The following USH1C variants were observed in gnomAD, a reference collection of about 807,000 sequenced individuals.
The protein encoded by USH1C is USH1 protein network component harmonin, also known as harmonin.
A neutral mutation model predicts 119.3 loss-of-function variants in USH1C; 90 were observed. The observed-to-expected ratio is 0.75, with a 90% CI of 0.64 to 0.90. USH1C has a LOEUF of 0.90. Ranked by LOEUF, USH1C falls within the 40% of genes least tolerant of loss-of-function variation. The probability of loss-of-function intolerance (pLI) is 0.00; values close to 1 mark genes in which losing one functional copy is unlikely to be tolerated. For synonymous variants in USH1C, 465 were observed against 443.3 expected (o/e 1.05, Z -0.62); for missense variants, 1,165 against 1,167.7 (o/e 1.00, Z 0.03).
chr11:17,505,027 TAG>T (rs1849595876), intron 19 of USH1C, among the ~76,000 whole-genome samples: 1 of 152,234 alleles, frequency 6.6e-6, no homozygotes, highest in Non-Finnish European at 1.5e-5. Flanking sequence ...GACATTTGGA[TAG>T]AGTTTCCTTG....
At chr11:17,498,121 G>T in intron 24 of USH1C, 41 bp downstream of exon 24, 1 of 1,581,284 alleles carries the variant, frequency 6.3e-7, no homozygotes, top group Non-Finnish European at 8.7e-7. Flanking sequence ...GTTTGAGGCA[G>T]GCAGGTGAGG....
intron 26 of USH1C, chr11:17,495,192 C>T (rs1372110593): frequency 6.3e-6 from 2 of 316,318 alleles, no homozygotes; most frequent in Non-Finnish European, 1.2e-5. Context: ...AGCCAGGCTT[C>T]CTGTGGGCTC....
At chr11:17,542,545 C>A (rs1273645001) in intron 1 of USH1C, among the ~76,000 whole-genome samples, 7 of 152,302 alleles carry the variant, frequency 4.6e-5, no homozygotes, top group Non-Finnish European at 1.0e-4. Flanking sequence ...AGGTCTGAGG[C>A]CCTTTGGAGC....
intron 1 of USH1C, among the ~76,000 whole-genome samples, chr11:17,538,380 C>T (rs1312295713): frequency 1.3e-5 from 2 of 152,158 alleles, no homozygotes; most frequent in Non-Finnish European, 2.9e-5. Flanking sequence ...CAGTCTCATC[C>T]CTCTGTATTC....
At position 17,524,635 on chromosome 11, in the gene USH1C, G is replaced by GCCTA. The variant is rs1003103201; in HGVS notation, c.675-104_675-101dup. ...AGCTGAGGACTGAAGGCCCTTGACT[G>GCCTA]CCTACCTCTTCAGCCTCTGTGTCCC... On this transcript the variant is annotated intron_variant, in intron 8 of 26. Coordinates refer to ENST00000005226, the MANE Select transcript of USH1C (RefSeq NM_153676.4). 6.1e-6 allele frequency: 8 copies of GCCTA among 1,303,362 alleles called. No homozygotes were observed. The African/African-American group carries it at 1.2e-4, about 19-fold the overall frequency. The allele number at this position is 1,303,362 out of a possible 1,614,324, so 80.7% of individuals were successfully genotyped here. A position where few individuals can be genotyped will look rare whatever the true frequency, so the allele number is the denominator to read the frequency against.
At chr11:17,500,857 T>C (rs1849408575) in intron 23 of USH1C, among the ~76,000 whole-genome samples, 194 bp downstream of exon 23, 1 of 152,178 alleles carries the variant, frequency 6.6e-6, no homozygotes, top group Non-Finnish European at 1.5e-5. Flanking sequence ...CTGGCTTGGC[T>C]GTGTACTCAC....
chr11:17,494,174 G>C lies in USH1C; in HGVS notation c.*158C>G, dbSNP rs748615881. On this transcript the variant is annotated 3_prime_UTR_variant, in exon 27 of 27. Transcript: ENST00000005226. ...GGCCTTCAGAAGAGTGGCCCGAGCT[G>C]TTCCTTATCTGGCCCTGGTTCAGGG... 2.2e-6 allele frequency: 2 copies of C among 918,190 alleles called. No homozygotes were observed. Among genetic ancestry groups the C allele is most frequent in the Non-Finnish European group, 3.5e-6 (2 of 577,204 alleles). 56.9% of individuals were successfully genotyped at this position (918,190 alleles called of 1,614,324 possible). A position where few individuals can be genotyped will look rare whatever the true frequency, so the allele number is the denominator to read the frequency against.
intron 25 of USH1C, 113 bp downstream of exon 25, chr11:17,496,645 T>A: frequency 3.8e-6 from 5 of 1,319,124 alleles, no homozygotes; most frequent in Non-Finnish European, 4.3e-6. Context: ...AGAAGCTGCG[T>A]GCTTGGGCCA....
chr11:17,529,242 C>G (rs1460238982), intron 4 of USH1C, among the ~76,000 whole-genome samples: 1 of 152,206 alleles, frequency 6.6e-6, no homozygotes, highest in East Asian at 1.9e-4. Flanking sequence ...AGTTGTATGT[C>G]ACAGGCTGCC....
chr11:17,527,313 G>A lies in USH1C; in HGVS notation c.406C>T (p.Arg136Trp), dbSNP rs368903400. ...VGLQVGDEIV[R>W]INGYSISSCT... ...GAGGAGATGGAATATCCATTGATCC[G>A]GACGATCTCGTCCCCTACCTTGACC... The change falls in exon 5 of 27, where the codon CGG becomes TGG. Residue 136 changes from arginine (R) to tryptophan (W), a missense_variant. Coordinates refer to ENST00000005226, the MANE Select transcript of USH1C (RefSeq NM_153676.4). 62 of 1,612,414 alleles carry A rather than the reference G, an allele frequency of 3.8e-5. 1 individual carries two copies. In the Middle Eastern group the frequency reaches 5.0e-4, roughly 13 times the overall value.
In USH1C at chr11:17,530,455, C is replaced by G. The variant is rs187059467; in HGVS notation, c.387+699G>C. ...GCCTCTATTAATTCTGTAAAATGGG[C>G]ACGATCCGTTCAATGCATATAGCAA... On this transcript the variant is annotated intron_variant, in intron 4 of 26. Transcript: ENST00000005226. 2.8e-3 allele frequency among the ~76,000 whole-genome samples: 429 copies of G among 152,346 alleles called. 3 individuals are homozygous for G. The highest frequency in any genetic ancestry group is 9.2e-3 in the African/African-American group (382 of 41,584).
At chr11:17,508,954 T>G (rs1465416382) in intron 18 of USH1C, among the ~76,000 whole-genome samples, 1 of 152,212 alleles carries the variant, frequency 6.6e-6, no homozygotes, top group African/African-American at 2.4e-5. Flanking sequence ...CAGGAGCCAT[T>G]TCCCATATTC....
chr11:17,494,246 A>G lies in USH1C; in HGVS notation c.*86T>C. On this transcript the variant is annotated 3_prime_UTR_variant, in exon 27 of 27. Coordinates refer to ENST00000005226, the MANE Select transcript of USH1C (RefSeq NM_153676.4). ...TGGGTGATAGATTCAGGTCCCAAGG[A>G]TGCCATCTGGTGTGTGTAGTGTGGC... is the stretch of plus-strand genomic sequence containing the variant. The G allele has an allele frequency of 6.8e-7, 1 of 1,476,166 alleles. No individual in the cohort carries two copies. The highest frequency in any genetic ancestry group is 1.2e-5 in the South Asian group (1 of 82,952). The allele number at this position is 1,476,166 out of a possible 1,614,324, so 91.4% of individuals were successfully genotyped here. A position where few individuals can be genotyped will look rare whatever the true frequency, so the allele number is the denominator to read the frequency against.
chr11:17,516,440 T>A, intron 14 of USH1C, 150 bp from the exon 15 acceptor site: 1 of 793,912 alleles, frequency 1.3e-6, no homozygotes, highest in Non-Finnish European at 2.1e-6. Flanking sequence ...GCACCCTCTG[T>A]CCAACTCGGC....
chr11:17,535,266 A>G (rs1323889684), intron 1 of USH1C, among the ~76,000 whole-genome samples: 1 of 152,100 alleles, frequency 6.6e-6, no homozygotes, highest in Non-Finnish European at 1.5e-5. Context: ...CCTGGCTACA[A>G]AGTCCTCCTT....
intron 20 of USH1C, 73 bp from the exon 21 acceptor site, chr11:17,502,053 T>G: frequency 1.3e-6 from 2 of 1,509,218 alleles, no homozygotes; most frequent in Non-Finnish European, 9.1e-7. Flanking sequence ...AGTAGGGGGA[T>G]GAATGGTCGG....
intron 8 of USH1C, among the ~76,000 whole-genome samples, chr11:17,525,328 G>T (rs1850619805): frequency 6.6e-6 from 1 of 152,194 alleles, no homozygotes; most frequent in Admixed American, 6.5e-5. Context: ...TTAGGCTGTT[G>T]TCTCCCAGAA....
intron 14 of USH1C, among the ~76,000 whole-genome samples, chr11:17,519,920 C>T (rs2133864001): frequency 6.6e-6 from 1 of 152,178 alleles, no homozygotes; most frequent in South Asian, 2.1e-4. Context: ...CTGTCCAGAC[C>T]CCATCACAAC....
intron 14 of USH1C, among the ~76,000 whole-genome samples, chr11:17,520,429 T>C (rs955515486): frequency 6.6e-6 from 1 of 152,108 alleles, no homozygotes; most frequent in Non-Finnish European, 1.5e-5. Flanking sequence ...CAGTTATGAA[T>C]CAACCTTGGA....
Sources: gnomAD v4.1 joint callset for allele counts (sites outside exome capture counted in the v4.1 genomes callset) on GRCh38, gnomAD v4.1.1 for gene constraint, MANE v1.5 for transcripts, NCBI Gene and HGNC (gene_info 2026-07-23, HGNC 2026-07-21) for gene names.